The following ZFPM2 variants were observed in gnomAD, a reference collection of about 807,000 sequenced individuals.
ZFPM2 encodes zinc finger protein, FOG family member 2.
In ZFPM2, 20 loss-of-function variants were observed where a neutral mutation model predicts 98.6. The observed-to-expected ratio is 0.20, with a 90% CI of 0.14 to 0.29. The LOEUF (loss-of-function observed/expected upper bound fraction) is 0.29, where lower values mean the gene tolerates loss of function less well. Ranked by LOEUF, ZFPM2 falls within the 10% of genes least tolerant of loss-of-function variation. The pLI is 1.00. For missense variants in ZFPM2, 1,310 were observed against 1,388.6 expected, an observed-to-expected ratio of 0.94 and a Z score of 0.90; for synonymous variants, 518 against 502.7, an observed-to-expected ratio of 1.03 and a Z score of -0.41.
intron 3 of ZFPM2, among the ~76,000 whole-genome samples, chr8:105,534,082 T>TCCTTCCTCCCTTC (rs1309043492): frequency 9.4e-5 from 1 of 10,584 alleles, no homozygotes; most frequent in Admixed American, 1.1e-3. Flanking sequence ...CTCCCTCCCA[T>TCCTTCCTCCCTTC]CTTCCTCCCT....
At chr8:105,731,548 T>A (rs954209570) in intron 5 of ZFPM2, among the ~76,000 whole-genome samples, 1 of 151,648 alleles carries the variant, frequency 6.6e-6, no homozygotes, top group Non-Finnish European at 1.5e-5. Context: ...ATTCCACATA[T>A]AATAATGAAT....
intron 1 of ZFPM2, among the ~76,000 whole-genome samples, chr8:105,362,116 G>A (rs1386827245): frequency 6.6e-6 from 1 of 151,976 alleles, no homozygotes. Flanking sequence ...GTATATTATT[G>A]AATGTATAAG....
intron 5 of ZFPM2, among the ~76,000 whole-genome samples, chr8:105,665,216 A>C (rs1817466694): frequency 2.0e-5 from 3 of 152,156 alleles, no homozygotes; most frequent in African/African-American, 7.2e-5. Flanking sequence ...CAAGAAAGGC[A>C]TTAATTCCTT....
chr8:105,688,246 A>T (rs1330426707), intron 5 of ZFPM2, among the ~76,000 whole-genome samples: 1 of 152,120 alleles, frequency 6.6e-6, no homozygotes, highest in Admixed American at 6.6e-5. Context: ...AGGAGTTCTG[A>T]TGATCTGTAC....
At chr8:105,487,311 G>A (rs913465599) in intron 3 of ZFPM2, among the ~76,000 whole-genome samples, 3 of 152,056 alleles carry the variant, frequency 2.0e-5, no homozygotes, top group Admixed American at 1.3e-4. Context: ...AAGAAATGAG[G>A]TCTTCCCATA....
At chr8:105,639,694 T>C (rs1001501097) in intron 5 of ZFPM2, among the ~76,000 whole-genome samples, 2 of 152,044 alleles carry the variant, frequency 1.3e-5, no homozygotes, top group African/African-American at 2.4e-5. Flanking sequence ...CTGATTATCA[T>C]ACAAGCAGTC....
At chr8:105,674,705 A>C (rs1279495205) in intron 5 of ZFPM2, among the ~76,000 whole-genome samples, 1 of 152,190 alleles carries the variant, frequency 6.6e-6, no homozygotes, top group African/African-American at 2.4e-5. Flanking sequence ...ACACACTCTT[A>C]TATTAGGTCT....
chr8:105,504,256 T>C (rs1255470800), intron 3 of ZFPM2, among the ~76,000 whole-genome samples: 4 of 152,118 alleles, frequency 2.6e-5, no homozygotes, highest in Non-Finnish European at 5.9e-5. Context: ...ACAAGATTGC[T>C]CAGAGAATAT....
At chr8:105,554,429 T>C (rs1400413840) in intron 3 of ZFPM2, among the ~76,000 whole-genome samples, 1 of 152,162 alleles carries the variant, frequency 6.6e-6, no homozygotes, top group Non-Finnish European at 1.5e-5. Context: ...TGAAAATGTT[T>C]TGAGATTTTT....
chr8:105,536,960 T>C (rs1459538070), intron 3 of ZFPM2, among the ~76,000 whole-genome samples: 1 of 152,152 alleles, frequency 6.6e-6, no homozygotes, highest in East Asian at 1.9e-4. Flanking sequence ...GATAAAACAG[T>C]AGGTCATCAC....
chr8:105,633,883 G>A (rs1488044396), intron 4 of ZFPM2, among the ~76,000 whole-genome samples: 1 of 152,100 alleles, frequency 6.6e-6, no homozygotes. Flanking sequence ...CCTGTTGATA[G>A]TAAAGTACAA....
intron 1 of ZFPM2, among the ~76,000 whole-genome samples, chr8:105,416,271 A>C (rs1811677955): frequency 6.6e-6 from 1 of 151,576 alleles, no homozygotes; most frequent in African/African-American, 2.4e-5. Context: ...TATAATTTTT[A>C]ATACAATGAT....
At chr8:105,506,988 C>CAAAAAAAA (rs61634908) in intron 3 of ZFPM2, among the ~76,000 whole-genome samples, 1 of 112,792 alleles carries the variant, frequency 8.9e-6, no homozygotes, top group Non-Finnish European at 1.9e-5. Context: ...ACTCCGTCTC[C>CAAAAAAAA]AAAAAAAAAA....
chr8:105,738,174 C>T (rs533948089), intron 5 of ZFPM2, among the ~76,000 whole-genome samples: 1 of 152,054 alleles, frequency 6.6e-6, no homozygotes, highest in Non-Finnish European at 1.5e-5. Context: ...CTCCTCCCAC[C>T]CTCAATCCTC....
At chr8:105,786,041 C>CAA (rs60740995) in intron 5 of ZFPM2, among the ~76,000 whole-genome samples, 5,127 of 39,782 alleles carry the variant, frequency 0.13, 669 homozygotes, top group Non-Finnish European at 0.21. Flanking sequence ...GACTCCGTCT[C>CAA]AAAAAAAAAA....
chr8:105,561,762 T>A (rs201356162), intron 4 of ZFPM2, among the ~76,000 whole-genome samples: 2 of 152,164 alleles, frequency 1.3e-5, no homozygotes, highest in Admixed American at 1.3e-4. Flanking sequence ...CCAAGACTGT[T>A]CACATTTAGT....
intron 1 of ZFPM2, among the ~76,000 whole-genome samples, chr8:105,381,079 C>A (rs1449924389): frequency 2.1e-5 from 3 of 146,062 alleles, no homozygotes; most frequent in East Asian, 4.1e-4. Flanking sequence ...CTCCCCTTGC[C>A]CCCCACCCCT....
chr8:105,791,404 G>A (rs1371714259), intron 6 of ZFPM2, among the ~76,000 whole-genome samples: 35 of 151,830 alleles, frequency 2.3e-4, no homozygotes, highest in Admixed American at 2.6e-4. Flanking sequence ...ACTGATTTGC[G>A]TATATTGAAC....
intron 5 of ZFPM2, among the ~76,000 whole-genome samples, chr8:105,758,159 A>G (rs1403230250): frequency 6.6e-6 from 1 of 152,148 alleles, no homozygotes; most frequent in East Asian, 1.9e-4. Context: ...TTTCCTAAGT[A>G]CCTGCTTTGT....
Sources: gnomAD v4.1 joint callset for allele counts (sites outside exome capture counted in the v4.1 genomes callset) on GRCh38, gnomAD v4.1.1 for gene constraint, MANE v1.5 for transcripts, NCBI Gene and HGNC (gene_info 2026-07-23, HGNC 2026-07-21) for gene names.